PDGFD: variants seen among roughly 807,000 people sequenced by gnomAD.
PDGFD encodes the protein platelet derived growth factor D, also known as platelet-derived growth factor D.
A neutral mutation model predicts 44.7 loss-of-function variants in PDGFD; 30 were observed. That is an observed-to-expected ratio of 0.67 (90% CI 0.50 to 0.91). The LOEUF (loss-of-function observed/expected upper bound fraction) is 0.91, where lower values mean the gene tolerates loss of function less well. Among genes scored for constraint, PDGFD ranks in the 40% least tolerant of loss-of-function variants. PDGFD has a pLI of 0.00. For missense variants in PDGFD, 445 were observed against 457.8 expected, an observed-to-expected ratio of 0.97 and a Z score of 0.25; for synonymous variants, 173 against 168.4, an observed-to-expected ratio of 1.03 and a Z score of -0.21.
chr11:104,115,228 A>G (rs1028154534), intron 1 of PDGFD, among the ~76,000 whole-genome samples: 1 of 151,024 alleles, frequency 6.6e-6, no homozygotes, highest in Non-Finnish European at 1.5e-5. Context: ...CCATTAATTC[A>G]TTCCTTATTA....
intron 1 of PDGFD, among the ~76,000 whole-genome samples, chr11:104,027,768 T>G (rs1860064306): frequency 6.6e-6 from 1 of 152,242 alleles, no homozygotes; most frequent in Admixed American, 6.5e-5. Context: ...GATTAAATTT[T>G]GATAGTTTTT....
At chr11:104,018,630 C>T (rs1489523572) in intron 1 of PDGFD, among the ~76,000 whole-genome samples, 1 of 152,142 alleles carries the variant, frequency 6.6e-6, no homozygotes, top group African/African-American at 2.4e-5. Context: ...TCCAGGTGGT[C>T]CCCAGATGGC....
chr11:103,907,836 AT>A lies in PDGFD; in HGVS notation c.*1857del, dbSNP rs986610813. ...TTAGTGTCTGCCTGAGCTATTTCTG[AT>A]TGTGTTCTGGGATTTTAGAGAATTG... On this transcript the variant is annotated 3_prime_UTR_variant, in exon 7 of 7. Transcript: ENST00000393158. 1 of 151,990 alleles carries A rather than the reference AT, an allele frequency of 6.6e-6. No individual in the cohort carries two copies. Among genetic ancestry groups the A allele is most frequent in the African/African-American group, 2.4e-5 (1 of 41,372 alleles). 9.4% of individuals were successfully genotyped at this position (151,990 alleles called of 1,614,324 possible).
At chr11:104,118,134 T>C (rs11226182) in intron 1 of PDGFD, among the ~76,000 whole-genome samples, 19,786 of 151,914 alleles carry the variant, frequency 0.13, 1,412 homozygotes, top group East Asian at 0.29. Context: ...ATTGTATTTC[T>C]TCCTGCTATG....
chr11:104,034,785 G>A (rs973017934), intron 1 of PDGFD, among the ~76,000 whole-genome samples: 4 of 151,922 alleles, frequency 2.6e-5, no homozygotes, highest in Non-Finnish European at 5.9e-5. Context: ...TGGGACTACA[G>A]GCGCCCACCA....
intron 1 of PDGFD, among the ~76,000 whole-genome samples, chr11:104,041,761 T>C (rs1860357339): frequency 6.6e-6 from 1 of 152,228 alleles, no homozygotes; most frequent in Non-Finnish European, 1.5e-5. Flanking sequence ...TCTTAACCTC[T>C]TTCTTAAAAT....
chr11:103,989,991 CT>C (rs1210590413), intron 3 of PDGFD, among the ~76,000 whole-genome samples: 1 of 151,908 alleles, frequency 6.6e-6, no homozygotes, highest in Non-Finnish European at 1.5e-5. Flanking sequence ...TTTGGATTAT[CT>C]TTGTTTAGTG....
intron 1 of PDGFD, among the ~76,000 whole-genome samples, chr11:104,068,895 C>T (rs1860833081): frequency 6.6e-6 from 1 of 151,980 alleles, no homozygotes; most frequent in South Asian, 2.1e-4. Context: ...ACATGATATC[C>T]CCTTACCCCT....
chr11:104,120,393 T>G (rs937492782), intron 1 of PDGFD, among the ~76,000 whole-genome samples: 3 of 152,034 alleles, frequency 2.0e-5, no homozygotes, highest in African/African-American at 7.2e-5. Context: ...TCCTAGTTAA[T>G]CCTACTTAAA....
chr11:103,929,382 T>C (rs1858366888), intron 5 of PDGFD, among the ~76,000 whole-genome samples: 1 of 152,144 alleles, frequency 6.6e-6, no homozygotes, highest in Non-Finnish European at 1.5e-5. Flanking sequence ...CACATCCTTA[T>C]CTTCAGAAGA....
chr11:104,068,061 C>G (rs1054478615), intron 1 of PDGFD, among the ~76,000 whole-genome samples: 1 of 152,052 alleles, frequency 6.6e-6, no homozygotes, highest in Non-Finnish European at 1.5e-5. Context: ...GTTTCTTTCC[C>G]ATGTAATTGT....
At chr11:104,128,321 T>C (rs1861868570) in intron 1 of PDGFD, among the ~76,000 whole-genome samples, 1 of 152,140 alleles carries the variant, frequency 6.6e-6, no homozygotes, top group Admixed American at 6.5e-5. Flanking sequence ...GATTAATCTA[T>C]CAAAAATGCT....
chr11:104,109,066 G>T (rs533799422), intron 1 of PDGFD, among the ~76,000 whole-genome samples: 1 of 134,010 alleles, frequency 7.5e-6, no homozygotes, highest in African/African-American at 2.7e-5. Context: ...TGGAGGGAGG[G>T]GGGAGGGATA....
Position 103,995,275 on chromosome 11 carries a change from C to T in PDGFD, c.510+790G>A, listed in dbSNP as rs186092486. 2.0e-4 allele frequency among the ~76,000 whole-genome samples: 30 copies of T among 152,296 alleles called. No individual in the cohort carries two copies. In the East Asian group the frequency reaches 4.6e-3, roughly 24 times the overall value. On this transcript the variant is annotated intron_variant, in intron 3 of 6. Transcript: ENST00000393158. ...GTTCTGCTTACCTTTGTATCTACTACATCTACCAGAGTGCCTGACAAAGAA... is the reference window on the plus strand; with the variant it reads ...GTTCTGCTTACCTTTGTATCTACTATATCTACCAGAGTGCCTGACAAAGAA...
intron 3 of PDGFD, among the ~76,000 whole-genome samples, chr11:103,976,713 A>G (rs1416238319): frequency 6.6e-6 from 1 of 152,096 alleles, no homozygotes; most frequent in Non-Finnish European, 1.5e-5. Context: ...TGAATAGTTT[A>G]TCTCAATAAA....
rs987125023 is a variant in PDGFD, at chr11:103,947,595, C to T, written c.573+67G>A. 34 of 1,269,872 alleles carry T rather than the reference C, an allele frequency of 2.7e-5. No individual in the cohort carries two copies. In the South Asian group the frequency reaches 4.1e-4, roughly 15 times the overall value. The allele number at this position is 1,269,872 out of a possible 1,614,324, so 78.7% of individuals were successfully genotyped here. ...ACAGGTCCTTAATGCAGGTGAAGTC[C>T]TTTTGGGGTTGACCTTAGCTGTTCC... On this transcript the variant is annotated intron_variant, in intron 4 of 6. Transcript: ENST00000393158.
chr11:104,077,716 C>A (rs681959), intron 1 of PDGFD, among the ~76,000 whole-genome samples: 115,824 of 151,990 alleles, frequency 0.76, 44,909 homozygotes, highest in African/African-American at 0.92. Context: ...CATCCCAAAG[C>A]ATAGCACAGA....
chr11:104,067,387 A>G (rs1254125969), intron 1 of PDGFD, among the ~76,000 whole-genome samples: 1 of 152,204 alleles, frequency 6.6e-6, no homozygotes, highest in Non-Finnish European at 1.5e-5. Flanking sequence ...TATACCGAAC[A>G]ATTTTTTAAA....
intron 6 of PDGFD, among the ~76,000 whole-genome samples, chr11:103,922,227 C>T (rs1858235966): frequency 6.6e-6 from 1 of 152,132 alleles, no homozygotes; most frequent in South Asian, 2.1e-4. Context: ...TCATTATACA[C>T]TATCAAGAGA....
Sources: gnomAD v4.1 joint callset for allele counts (sites outside exome capture counted in the v4.1 genomes callset) on GRCh38, gnomAD v4.1.1 for gene constraint, MANE v1.5 for transcripts, NCBI Gene and HGNC (gene_info 2026-07-23, HGNC 2026-07-21) for gene names.